The following CNTNAP4 variants were observed in gnomAD, a reference collection of about 807,000 sequenced individuals.
CNTNAP4 encodes contactin-associated protein-like 4.
In CNTNAP4, 98 loss-of-function variants were observed where a neutral mutation model predicts 148.4. The ratio of observed to expected loss-of-function variants is 0.66; its 90% CI spans 0.56 to 0.78. The LOEUF is 0.78. Among genes scored for constraint, CNTNAP4 ranks in the 30% least tolerant of loss-of-function variants. The pLI, the probability that CNTNAP4 is intolerant of heterozygous loss-of-function variation, is 0.00. For synonymous variants in CNTNAP4, 730 were observed against 565.1 expected, an observed-to-expected ratio of 1.29 and a Z score of -4.14; for missense variants, 1,935 against 1,565.6, an observed-to-expected ratio of 1.24 and a Z score of -3.98.
chr16:76,460,773 A>AAAAAAAAAAAAAATATATATATAT, intron 8 of CNTNAP4, among the ~76,000 whole-genome samples: 2 of 57,324 alleles, frequency 3.5e-5, no homozygotes, highest in East Asian at 5.1e-4. Flanking sequence ...AAAAAAAAAA[A>AAAAAAAAAAAAAATATATATATAT]ATATATATAT....
intron 15 of CNTNAP4, among the ~76,000 whole-genome samples, chr16:76,514,172 A>G (rs1033125208): frequency 1.3e-5 from 2 of 152,134 alleles, no homozygotes; most frequent in African/African-American, 4.8e-5. Flanking sequence ...CTGATGCCCA[A>G]CTCCACACCT....
At position 76,460,776 on chromosome 16, in the gene CNTNAP4, ATAT is replaced by A. The variant is rs1568265971; in HGVS notation, c.1334-1179_1334-1177del. Among the ~76,000 whole-genome samples, 404 of 67,436 alleles carry A rather than the reference ATAT, an allele frequency of 6.0e-3. 30 individuals carry two copies. Among genetic ancestry groups the A allele is most frequent in the Non-Finnish European group, 8.8e-3 (297 of 33,898 alleles). 44.2% of individuals were successfully genotyped at this position (67,436 alleles called of 152,430 possible). On this transcript the variant is annotated intron_variant, in intron 8 of 23. Transcript: ENST00000611870. Reference sequence around the variant, plus strand: ...CTCAAAAAAAAAAAAAAAAAAAAATATATATATATATATATATATTTAGAATTG... The same window carrying A: ...CTCAAAAAAAAAAAAAAAAAAAAATAATATATATATATATATTTAGAATTG...
rs1442801296 is a variant in CNTNAP4, at chr16:76,452,607, G to C, written c.1171G>C (p.Glu391Gln). The change falls in exon 8 of 24, where the codon GAG (glutamate) becomes CAG (glutamine). Residue 391 changes from glutamate to glutamine, a missense_variant. Transcript: ENST00000611870. ...LALPDFSGEE[E>Q]VSATFQFRTW... ...ACTGCCAGACTTCTCTGGAGAGGAG[G>C]AGGTTTCTGCCACTTTTCAATTTCG... is the stretch of plus-strand genomic sequence containing the variant. 6.2e-7 allele frequency: 1 copy of C among 1,613,880 alleles called. No individual in the cohort carries two copies. The highest frequency in any genetic ancestry group is 8.5e-7 in the Non-Finnish European group (1 of 1,179,894).
intron 3 of CNTNAP4, among the ~76,000 whole-genome samples, chr16:76,367,675 C>G (rs1274463127): frequency 6.6e-6 from 1 of 152,128 alleles, no homozygotes; most frequent in African/African-American, 2.4e-5. Context: ...AGATGTTCAG[C>G]TATCATGAAC....
chr16:76,448,569 A>C (rs557289006), intron 5 of CNTNAP4, among the ~76,000 whole-genome samples, 198 bp from the exon 6 acceptor site: 7 of 152,312 alleles, frequency 4.6e-5, no homozygotes, highest in African/African-American at 1.7e-4. Context: ...GACAAAAAGA[A>C]TTAACAACGG....
At position 76,452,510 on chromosome 16, in the gene CNTNAP4, A is replaced by C; in HGVS notation, c.1074A>C (p.Gly358=). The change falls in exon 8 of 24, where the codon GGA becomes GGC. Residue 358 remains glycine, a splice_region_variant and synonymous_variant. Coordinates refer to ENST00000611870, the MANE Select transcript of CNTNAP4 (RefSeq NM_033401.5). The part of the protein sequence containing the change: ...KQQKPQIIAM[G]NVSFSCSQPQ... ...TTTTTCTTTTACTTTATTCTCAGGG[A>C]AATGTGTCATTTTCTTGTTCACAAC... 5 of 1,613,864 alleles carry C rather than the reference A, an allele frequency of 3.1e-6. No individual in the cohort carries two copies. The highest frequency in any genetic ancestry group is 4.2e-6 in the Non-Finnish European group (5 of 1,179,818).
At chr16:76,536,320 C>T (rs1257481277) in intron 18 of CNTNAP4, among the ~76,000 whole-genome samples, 1 of 152,036 alleles carries the variant, frequency 6.6e-6, no homozygotes, top group African/African-American at 2.4e-5. Context: ...CTCCGCCTCC[C>T]GAGTAGCTGG....
chr16:76,285,997 C>G (rs910823730), intron 1 of CNTNAP4, among the ~76,000 whole-genome samples: 2 of 152,014 alleles, frequency 1.3e-5, no homozygotes, highest in Non-Finnish European at 2.9e-5. Flanking sequence ...AGGCTAATAG[C>G]TTTGCTCTAA....
At chr16:76,320,392 A>G (rs543782958) in intron 2 of CNTNAP4, among the ~76,000 whole-genome samples, 1 of 152,176 alleles carries the variant, frequency 6.6e-6, no homozygotes, top group African/African-American at 2.4e-5. Flanking sequence ...AGGCAATCAG[A>G]CTTGATGGTT....
intron 2 of CNTNAP4, among the ~76,000 whole-genome samples, chr16:76,346,446 A>AAAG (rs1312785322): frequency 6.6e-6 from 1 of 151,824 alleles, no homozygotes; most frequent in Non-Finnish European, 1.5e-5. Context: ...AAAAAAAAAA[A>AAAG]AAAAAGAAGG....
intron 3 of CNTNAP4, among the ~76,000 whole-genome samples, chr16:76,374,721 A>C (rs2015225787): frequency 6.7e-6 from 1 of 150,096 alleles, no homozygotes; most frequent in Non-Finnish European, 1.5e-5. Context: ...AGTTGAATAA[A>C]GTATATACTT....
chr16:76,427,430 G>T, intron 3 of CNTNAP4, 22 bp from the exon 4 acceptor site: 2 of 1,594,754 alleles, frequency 1.3e-6, no homozygotes, highest in Non-Finnish European at 1.7e-6. Context: ...ACATTGATGT[G>T]CTTCTTTCCC....
At chr16:76,391,580 A>G (rs769152774) in intron 3 of CNTNAP4, among the ~76,000 whole-genome samples, 2 of 152,214 alleles carry the variant, frequency 1.3e-5, no homozygotes, top group Non-Finnish European at 2.9e-5. Context: ...CACGTGCAGT[A>G]TCAGACTCAC....
intron 15 of CNTNAP4, among the ~76,000 whole-genome samples, chr16:76,511,399 T>A (rs1333754363): frequency 6.6e-6 from 1 of 152,138 alleles, no homozygotes; most frequent in Non-Finnish European, 1.5e-5. Flanking sequence ...CAAAGGTGCA[T>A]GTAGGCAATA....
At chr16:76,486,124 G>A (rs948931170) in intron 12 of CNTNAP4, among the ~76,000 whole-genome samples, 9 of 152,224 alleles carry the variant, frequency 5.9e-5, no homozygotes, top group Middle Eastern at 6.8e-3. Flanking sequence ...TCTCTTCAGG[G>A]GGAGACGTGA....
chr16:76,330,835 T>C (rs1963440495), intron 2 of CNTNAP4, among the ~76,000 whole-genome samples: 1 of 152,206 alleles, frequency 6.6e-6, no homozygotes, highest in Admixed American at 6.5e-5. Flanking sequence ...AAAAATGTCA[T>C]AAATATAAGG....
At chr16:76,411,095 C>T (rs1023827336) in intron 3 of CNTNAP4, among the ~76,000 whole-genome samples, 7 of 151,206 alleles carry the variant, frequency 4.6e-5, no homozygotes, top group African/African-American at 1.7e-4. Flanking sequence ...GCTTCAGAGG[C>T]CGTGATGAGG....
intron 2 of CNTNAP4, among the ~76,000 whole-genome samples, chr16:76,347,764 A>T (rs1054564278): frequency 3.9e-5 from 6 of 152,122 alleles, no homozygotes; most frequent in African/African-American, 1.4e-4. Context: ...TTATTCAAAG[A>T]ACAGCAAGGA....
chr16:76,310,814 G>T (rs1257833641), intron 1 of CNTNAP4, among the ~76,000 whole-genome samples: 3 of 151,054 alleles, frequency 2.0e-5, no homozygotes, highest in African/African-American at 7.3e-5. Flanking sequence ...TTTTTGAAAA[G>T]TATATTTTAG....
Sources: allele counts gnomAD v4.1 joint callset (sites outside exome capture counted in the v4.1 genomes callset), GRCh38; gene constraint gnomAD v4.1.1; transcripts MANE v1.5; gene names NCBI Gene and HGNC (gene_info 2026-07-23, HGNC 2026-07-21).